Variants in SPMIP2 observed in about 807,000 individuals in gnomAD.
SPMIP2 encodes protein SPMIP2.
the SPMIP2 span, among the ~76,000 whole-genome samples, chr4:158,986,839 C>T: frequency 6.8e-6 from 1 of 147,140 alleles, no homozygotes; most frequent in South Asian, 2.2e-4. Context: ...TCAGAGCGAA[C>T]AGGCAACCTA....
chr4:159,076,375 A>C, the SPMIP2 span, among the ~76,000 whole-genome samples: 2 of 152,200 alleles, frequency 1.3e-5, no homozygotes, highest in Non-Finnish European at 2.9e-5. Flanking sequence ...GGTTACTTCT[A>C]TTTTTGTAAC....
the SPMIP2 span, among the ~76,000 whole-genome samples, chr4:158,896,863 A>C: frequency 7.1e-6 from 1 of 140,608 alleles, no homozygotes; most frequent in Admixed American, 7.2e-5. Context: ...TTATTATTAT[A>C]CTTTTAAGTT....
At chr4:158,904,442 T>TTC in the SPMIP2 span, 1 of 1,578,344 alleles carries the variant, frequency 6.3e-7, no homozygotes, top group East Asian at 2.2e-5. Flanking sequence ...TAAAGTAATA[T>TTC]TCTTTTCTTT....
chr4:158,951,977 C>T, the SPMIP2 span, among the ~76,000 whole-genome samples: 9 of 152,286 alleles, frequency 5.9e-5, no homozygotes, highest in South Asian at 1.4e-3. Context: ...TGTAAAATGA[C>T]AGGGAAATCC....
the SPMIP2 span, among the ~76,000 whole-genome samples, chr4:158,974,345 C>CA: frequency 6.6e-6 from 1 of 152,140 alleles, no homozygotes; most frequent in East Asian, 1.9e-4. Flanking sequence ...TTCTGGGATA[C>CA]ATGTGCAGAA....
At chr4:159,077,646 A>G in the SPMIP2 span, among the ~76,000 whole-genome samples, 5 of 152,348 alleles carry the variant, frequency 3.3e-5, no homozygotes, top group African/African-American at 1.2e-4. Context: ...TTTAAAATTT[A>G]TTGAAAAATT....
At chr4:159,028,705 TG>T in the SPMIP2 span, among the ~76,000 whole-genome samples, 1 of 152,226 alleles carries the variant, frequency 6.6e-6, no homozygotes, top group Non-Finnish European at 1.5e-5. Flanking sequence ...TGTAAACAGA[TG>T]TTTTAAAAAT....
At chr4:159,063,489 G>A in the SPMIP2 span, among the ~76,000 whole-genome samples, 1 of 152,064 alleles carries the variant, frequency 6.6e-6, no homozygotes, top group Non-Finnish European at 1.5e-5. Flanking sequence ...AGCAGAATTT[G>A]CAGTGAGCTG....
the SPMIP2 span, among the ~76,000 whole-genome samples, chr4:158,989,517 T>G: frequency 3.3e-5 from 5 of 152,162 alleles, no homozygotes; most frequent in African/African-American, 1.2e-4. Context: ...AGCATGGTAC[T>G]GGAACCAAAA....
the SPMIP2 span, among the ~76,000 whole-genome samples, chr4:158,894,964 A>G: frequency 6.6e-6 from 1 of 152,204 alleles, no homozygotes; most frequent in African/African-American, 2.4e-5. Context: ...CTAATGGTCT[A>G]GAAGAAAATT....
At chr4:159,072,662 C>T in the SPMIP2 span, among the ~76,000 whole-genome samples, 3 of 151,852 alleles carry the variant, frequency 2.0e-5, no homozygotes, top group African/African-American at 7.3e-5. Flanking sequence ...GGGGTTTCGC[C>T]ATATTGCCTA....
the SPMIP2 span, chr4:159,026,606 T>G: frequency 2.0e-5 from 7 of 346,722 alleles, no homozygotes; most frequent in Admixed American, 1.4e-4. Context: ...CCATACTGCT[T>G]CTTTTTTTTC....
At chr4:158,955,010 T>C in the SPMIP2 span, among the ~76,000 whole-genome samples, 2 of 152,042 alleles carry the variant, frequency 1.3e-5, no homozygotes, top group African/African-American at 2.4e-5. Context: ...AAACACCCAA[T>C]TGCAAACAGA....
the SPMIP2 span, among the ~76,000 whole-genome samples, chr4:158,898,850 G>A: frequency 6.6e-6 from 1 of 152,120 alleles, no homozygotes; most frequent in Non-Finnish European, 1.5e-5. Flanking sequence ...TGATTGTCCT[G>A]GCCAGAACTT....
the SPMIP2 span, among the ~76,000 whole-genome samples, chr4:158,996,624 C>T: frequency 6.6e-5 from 10 of 152,194 alleles, no homozygotes; most frequent in Non-Finnish European, 1.5e-4. Context: ...TTGCTTTCTT[C>T]AGTAGCTCAA....
the SPMIP2 span, among the ~76,000 whole-genome samples, chr4:159,027,948 G>A: frequency 3.9e-5 from 6 of 152,100 alleles, no homozygotes; most frequent in African/African-American, 1.2e-4. Context: ...TCACTCCTTT[G>A]TAAGGTAGAG....
chr4:159,013,159 C>T, the SPMIP2 span, among the ~76,000 whole-genome samples: 1 of 152,160 alleles, frequency 6.6e-6, no homozygotes, highest in Admixed American at 6.5e-5. Flanking sequence ...GGTGCAGCTG[C>T]TGCAGGAAAA....
chr4:158,990,035 G>T, the SPMIP2 span, among the ~76,000 whole-genome samples: 1 of 151,900 alleles, frequency 6.6e-6, no homozygotes, highest in Non-Finnish European at 1.5e-5. Flanking sequence ...AAATTTACAA[G>T]GAAAAAAATA....
At chr4:159,080,286 G>A in the SPMIP2 span, among the ~76,000 whole-genome samples, 8 of 151,936 alleles carry the variant, frequency 5.3e-5, no homozygotes, top group African/African-American at 1.9e-4. Context: ...GCACAATCAC[G>A]GCTCACTGCC....
Sources: gnomAD v4.1 joint callset for allele counts (sites outside exome capture counted in the v4.1 genomes callset) on GRCh38, gnomAD v4.1.1 for gene constraint, MANE v1.5 for transcripts, NCBI Gene and HGNC (gene_info 2026-07-23, HGNC 2026-07-21) for gene names.